The following FHOD3 variants were observed in gnomAD, a reference collection of about 807,000 sequenced individuals.
The protein encoded by FHOD3 is FH1/FH2 domain-containing protein 3.
A neutral mutation model predicts 173.0 loss-of-function variants in FHOD3; 90 were observed. The ratio of observed to expected loss-of-function variants is 0.52; its 90% CI spans 0.44 to 0.62. The LOEUF is 0.62. FHOD3 is among the 20% of genes least tolerant of loss of function. The pLI, the probability that FHOD3 is intolerant of heterozygous loss-of-function variation, is 0.00. For synonymous variants in FHOD3, 828 were observed against 823.0 expected (o/e 1.01, Z -0.10); for missense variants, 1,945 against 2,034.7 (o/e 0.96, Z 0.85).
Position 36,755,193 on chromosome 18 carries a change from G to A in FHOD3, c.4307G>A (p.Arg1436Lys). 1 of 1,612,356 alleles carries A rather than the reference G, an allele frequency of 6.2e-7. No homozygotes were observed. The highest frequency in any genetic ancestry group is 8.5e-7 in the Non-Finnish European group (1 of 1,179,380). Residue 1436 changes from arginine (R) to lysine (K), a missense_variant, in exon 25 of 29, where the codon AGG (arginine) becomes AAG (lysine). Physicochemically the swap from Arg to Lys is conservative, Grantham distance 26 (BLOSUM62 2). This residue lies in a region of FHOD3 where 354 missense variants were observed against 359.9 expected (regional missense o/e 0.98). Transcript: ENST00000590592. ...IREVNINKFC[R>K]IISEFALEYR... is the part of the protein sequence containing the mutation. ...GAAGTGAACATAAACAAATTCTGCAGGATTATTAGTGAATTTGCACTAGAG... is the reference window on the plus strand; with the variant it reads ...GAAGTGAACATAAACAAATTCTGCAAGATTATTAGTGAATTTGCACTAGAG...
intron 2 of FHOD3, among the ~76,000 whole-genome samples, chr18:36,356,279 CAA>C (rs2046357211): frequency 6.6e-6 from 1 of 152,182 alleles, no homozygotes; most frequent in African/African-American, 2.4e-5. Context: ...ATGTTAATGT[CAA>C]CTTACTTTTT....
chr18:36,522,447 A>G (rs2056320880), intron 5 of FHOD3, among the ~76,000 whole-genome samples: 5 of 152,242 alleles, frequency 3.3e-5, no homozygotes, highest in Admixed American at 3.3e-4. Context: ...TAATTTTACT[A>G]GTTCAGTAGG....
chr18:36,496,629 T>C (rs539585715), intron 3 of FHOD3, among the ~76,000 whole-genome samples: 18 of 152,240 alleles, frequency 1.2e-4, no homozygotes, highest in Non-Finnish European at 2.2e-4. Context: ...GAATTGTCTT[T>C]CCAAAGACAG....
chr18:36,626,444 T>C (rs139784664), intron 10 of FHOD3, among the ~76,000 whole-genome samples: 270 of 152,240 alleles, frequency 1.8e-3, no homozygotes, highest in African/African-American at 6.2e-3. Flanking sequence ...AAGTATAAAG[T>C]TTGACAAAAT....
chr18:36,331,696 C>T (rs766297594), intron 1 of FHOD3, among the ~76,000 whole-genome samples: 11 of 151,980 alleles, frequency 7.2e-5, no homozygotes, highest in South Asian at 2.1e-4. Flanking sequence ...CAGGGAAGTT[C>T]GCTGATTTAG....
chr18:36,513,191 A>AAC (rs1427530837), intron 5 of FHOD3, among the ~76,000 whole-genome samples: 1 of 151,824 alleles, frequency 6.6e-6, no homozygotes, highest in Non-Finnish European at 1.5e-5. Flanking sequence ...TAAAAAAAAA[A>AAC]AAAACAAATA....
intron 3 of FHOD3, among the ~76,000 whole-genome samples, chr18:36,407,860 T>C (rs943492059): frequency 6.6e-6 from 1 of 152,246 alleles, no homozygotes; most frequent in Non-Finnish European, 1.5e-5. Flanking sequence ...ATACTTATAA[T>C]AATACTTGTA....
At chr18:36,347,596 A>G (rs1416038541) in intron 1 of FHOD3, among the ~76,000 whole-genome samples, 2 of 152,212 alleles carry the variant, frequency 1.3e-5, no homozygotes, top group Non-Finnish European at 2.9e-5. Flanking sequence ...ATACATTCAT[A>G]TTATTTCATA....
At chr18:36,368,705 G>T (rs2047019812) in intron 2 of FHOD3, among the ~76,000 whole-genome samples, 1 of 152,206 alleles carries the variant, frequency 6.6e-6, no homozygotes, top group South Asian at 2.1e-4. Flanking sequence ...AGTTCTGCAT[G>T]GCTGGGGAGG....
At chr18:36,356,623 C>T (rs963404477) in intron 2 of FHOD3, among the ~76,000 whole-genome samples, 3 of 151,368 alleles carry the variant, frequency 2.0e-5, no homozygotes, top group African/African-American at 7.3e-5. Flanking sequence ...CTGTGCCCAG[C>T]TAATTTTATA....
rs187985080 is a variant in FHOD3, at chr18:36,564,050, G to A, written c.512-12401G>A. Among the ~76,000 whole-genome samples the A allele has an allele frequency of 3.5e-3, 532 of 152,162 alleles. 6 individuals carry two copies. Among genetic ancestry groups the A allele is most frequent in the Admixed American group, 2.9e-3 (44 of 15,270 alleles). On this transcript the variant is annotated intron_variant, in intron 5 of 28. Transcript: ENST00000590592. ...TAAGCTAGGAGGAGCTGCTTTTCCC[G>A]GGTTCATTGGCCAAGCCCTTGTCAC...
chr18:36,463,277 A>G (rs1474008573), intron 3 of FHOD3, among the ~76,000 whole-genome samples: 1 of 116,624 alleles, frequency 8.6e-6, no homozygotes, highest in Non-Finnish European at 2.0e-5. Flanking sequence ...GTAGGCTGTG[A>G]CAAGCATTTA....
intron 1 of FHOD3, among the ~76,000 whole-genome samples, chr18:36,351,852 G>A (rs796875955): frequency 9.2e-5 from 14 of 152,352 alleles, no homozygotes; most frequent in African/African-American, 3.4e-4. Context: ...ATGCAAAATA[G>A]CCCAGATGGG....
intron 3 of FHOD3, among the ~76,000 whole-genome samples, chr18:36,446,255 A>T (rs1289371367): frequency 1.3e-5 from 2 of 152,174 alleles, no homozygotes; most frequent in Admixed American, 1.3e-4. Context: ...TCCTCAGTGC[A>T]TAAGGGCCCT....
intron 6 of FHOD3, among the ~76,000 whole-genome samples, chr18:36,577,991 G>A (rs1274593727): frequency 6.6e-6 from 1 of 152,176 alleles, no homozygotes; most frequent in Admixed American, 6.5e-5. Context: ...GTGCTGTACG[G>A]GTGGCACGTT....
chr18:36,381,333 T>C (rs1036117517), intron 3 of FHOD3, among the ~76,000 whole-genome samples: 1 of 152,248 alleles, frequency 6.6e-6, no homozygotes, highest in African/African-American at 2.4e-5. Context: ...AAATTCCTTC[T>C]GAGCCAGGCT....
At chr18:36,498,611 G>T (rs1409698006) in intron 3 of FHOD3, among the ~76,000 whole-genome samples, 2 of 152,124 alleles carry the variant, frequency 1.3e-5, no homozygotes, top group Non-Finnish European at 2.9e-5. Context: ...AGAACAAAGA[G>T]ATAATCAGAA....
chr18:36,647,013 G>A (rs1209300675), intron 10 of FHOD3, among the ~76,000 whole-genome samples: 2 of 152,196 alleles, frequency 1.3e-5, no homozygotes, highest in Non-Finnish European at 2.9e-5. Context: ...AAGGCGGGTG[G>A]ATCACCTGAG....
chr18:36,594,874 G>A lies in FHOD3; in HGVS notation c.694G>A (p.Val232Ile), dbSNP rs766647000. The change falls in exon 7 of 29, where the codon GTC (valine) becomes ATC (isoleucine). Residue 232 changes from valine (V) to isoleucine (I), a missense_variant. Around this residue, in one of 5 missense-constraint regions of FHOD3, gnomAD observed 16 missense variants for 34.0 expected, o/e 0.47. Transcript: ENST00000590592. ...CAACGCACCTCTCCTAATTCAGGCT[G>A]TCACTGCTGTTGACACGAAAAGAGG... The part of the protein sequence containing the change: ...ESNAPLLIQA[V>I]TAVDTKRGVK... 3.2e-5 allele frequency: 51 copies of A among 1,613,350 alleles called. No homozygotes were observed. The highest frequency in any genetic ancestry group is 1.4e-4 in the South Asian group (13 of 90,882).
Sources: allele counts gnomAD v4.1 joint callset (sites outside exome capture counted in the v4.1 genomes callset), GRCh38; gene constraint gnomAD v4.1.1; regional missense constraint gnomAD v4.1.1; transcripts MANE v1.5; gene names NCBI Gene and HGNC (gene_info 2026-07-23, HGNC 2026-07-21).